Variants in SEC14L5 observed in about 807,000 individuals in gnomAD.
The protein encoded by SEC14L5 is SEC14 like lipid binding 5.
SEC14L5 carries 96 observed loss-of-function variants against 84.6 expected under a neutral mutation model. The ratio of observed to expected loss-of-function variants is 1.13; its 90% CI spans 0.96 to 1.34. SEC14L5 has a LOEUF of 1.34. Ranked by LOEUF, SEC14L5 falls within the 40% of genes most tolerant of loss-of-function variation. The pLI is 0.00. For missense variants in SEC14L5, 1,224 were observed against 942.5 expected, an observed-to-expected ratio of 1.30 and a Z score of -3.91; for synonymous variants, 546 against 383.4, an observed-to-expected ratio of 1.42 and a Z score of -4.95.
intron 15 of SEC14L5, among the ~76,000 whole-genome samples, chr16:5,014,504 A>G (rs1955847837): frequency 6.6e-6 from 1 of 152,270 alleles, no homozygotes; most frequent in Non-Finnish European, 1.5e-5. Flanking sequence ...CACGAAGGCC[A>G]CTGCAAGAGC....
rs374711543 is a variant in SEC14L5 at position 4,993,966 on chromosome 16, C to CTTTTTTTTTTT, written c.667+1943_667+1953dup. Among the ~76,000 whole-genome samples, 2 of 138,550 alleles carry CTTTTTTTTTTT rather than the reference C, an allele frequency of 1.4e-5. 1 individual carries two copies. The highest frequency in any genetic ancestry group is 3.1e-5 in the Non-Finnish European group (2 of 65,202). 90.9% of individuals were successfully genotyped at this position (138,550 alleles called of 152,430 possible). A position where few individuals can be genotyped will look rare whatever the true frequency, so the allele number is the denominator to read the frequency against. ...TTTTTCATGTTTAGTGACTGTTTTCCTTTTTTTTTTTTTTTTTAATAATAC... is the reference window on the plus strand; with the variant it reads ...TTTTTCATGTTTAGTGACTGTTTTCCTTTTTTTTTTTTTTTTTTTTTTTTTTTTAATAATAC... On this transcript the variant is annotated intron_variant, in intron 6 of 15. Coordinates refer to ENST00000251170, the MANE Select transcript of SEC14L5 (RefSeq NM_014692.2).
intron 2 of SEC14L5, among the ~76,000 whole-genome samples, chr16:4,962,054 C>G (rs1411222541): frequency 6.6e-6 from 1 of 151,582 alleles, no homozygotes; most frequent in South Asian, 2.1e-4. Context: ...ATACAGTCAT[C>G]CCCATTTCAC....
chr16:5,006,080 G>A, intron 12 of SEC14L5, 32 bp downstream of exon 12: 1 of 1,609,758 alleles, frequency 6.2e-7, no homozygotes, highest in East Asian at 2.2e-5. Flanking sequence ...ACAGACCTGG[G>A]CTTGAGGAGG....
chr16:5,007,606 CTTT>C (rs377374416), intron 13 of SEC14L5, 120 bp downstream of exon 13: 8,648 of 553,226 alleles, frequency 0.016, no homozygotes, highest in South Asian at 0.019. Flanking sequence ...TTCTTTCTTT[CTTT>C]TTTTTTTTTT....
At chr16:5,002,417 C>G (rs1160404768) in intron 10 of SEC14L5, among the ~76,000 whole-genome samples, 1 of 151,862 alleles carries the variant, frequency 6.6e-6, no homozygotes, top group African/African-American at 2.4e-5. Flanking sequence ...GTGCCTCAGC[C>G]TCCCAGGTAG....
chr16:5,006,177 G>A, intron 12 of SEC14L5, 129 bp downstream of exon 12: 1 of 912,478 alleles, frequency 1.1e-6, no homozygotes, highest in Non-Finnish European at 1.7e-6. Context: ...CTCTGCCTAG[G>A]GCAGGTCTTG....
In SEC14L5 at chr16:4,996,222, GC is replaced by G. The variant is rs544839793; in HGVS notation, c.668-125del. On this transcript the variant is annotated intron_variant, in intron 6 of 15. Transcript: ENST00000251170. The stretch of plus-strand genomic sequence containing the variant: ...CCGGTGGCTGCTGTCTGGGGCGGGG[GC>G]TTAGCCTGGTTTGGAACCACGTTTT... 32 of 620,548 alleles carry G rather than the reference GC, an allele frequency of 5.2e-5. 1 individual carries two copies. In the East Asian group the frequency reaches 8.3e-4, roughly 16 times the overall value. 38.4% of individuals were successfully genotyped at this position (620,548 alleles called of 1,614,324 possible).
At chr16:4,992,751 G>C (rs372503926) in intron 6 of SEC14L5, among the ~76,000 whole-genome samples, 4 of 152,202 alleles carry the variant, frequency 2.6e-5, no homozygotes, top group African/African-American at 9.6e-5. Flanking sequence ...TAAGAAGTAC[G>C]ATTCTTTTCC....
At chr16:4,962,581 G>A (rs1030709825) in intron 2 of SEC14L5, among the ~76,000 whole-genome samples, 2 of 151,790 alleles carry the variant, frequency 1.3e-5, no homozygotes, top group East Asian at 1.9e-4. Flanking sequence ...CCAGCTATTC[G>A]GGAGGCTGAG....
intron 2 of SEC14L5, among the ~76,000 whole-genome samples, chr16:4,979,507 G>C (rs905469015): frequency 2.0e-5 from 3 of 152,330 alleles, no homozygotes; most frequent in African/African-American, 7.2e-5. Context: ...TTACTGCAAT[G>C]ATGGTTAGGC....
chr16:4,970,747 C>A (rs534698401), intron 2 of SEC14L5, among the ~76,000 whole-genome samples: 1 of 152,160 alleles, frequency 6.6e-6, no homozygotes, highest in Non-Finnish European at 1.5e-5. Flanking sequence ...GAGGGTGAGT[C>A]CTCATGTGGA....
Position 5,016,076 on chromosome 16 carries a change from G to C in SEC14L5, c.*1106G>C, listed in dbSNP as rs991189643. The C allele has an allele frequency of 6.6e-6, 1 of 152,158 alleles. No homozygotes were observed. Among genetic ancestry groups the C allele is most frequent in the Non-Finnish European group, 1.5e-5 (1 of 68,042 alleles). 9.4% of individuals were successfully genotyped at this position (152,158 alleles called of 1,614,324 possible). ...GATCATTCATGGGTGCATAGAACTG[G>C]CCAGTCCAGGAGGGCTTGCTTCAGG... On this transcript the variant is annotated 3_prime_UTR_variant, in exon 16 of 16. Transcript: ENST00000251170.
rs1326679378 is a variant in SEC14L5, at chr16:5,007,442, G to A, written c.1528G>A (p.Glu510Lys). 1.7e-5 allele frequency: 28 copies of A among 1,613,780 alleles called. No individual in the cohort carries two copies. The highest frequency in any genetic ancestry group is 2.3e-5 in the Non-Finnish European group (27 of 1,179,880). Reference sequence around the variant, plus strand: ...CACGGACCAGCTGTGGCAGTGGAGTGAGACCTACCATTCAGCCAGCGTGCT... The same window carrying A: ...CACGGACCAGCTGTGGCAGTGGAGTAAGACCTACCATTCAGCCAGCGTGCT... ...EHTDQLWQWS[E>K]TYHSASVLRG... is the part of the protein sequence containing the mutation. Residue 510 changes from glutamate to lysine, a missense_variant, in exon 13 of 16, where the codon GAG (glutamate) becomes AAG (lysine). By Grantham distance (56) the Glu-to-Lys change is moderately conservative. Transcript: ENST00000251170.
Position 5,014,911 on chromosome 16 carries a change from G to GCCGCCACCTCGTCCTCCT in SEC14L5, c.2035_2052dup (p.Ala679_Ser684dup). ...CACCAGCGGCTTCTCCCAGCTCAGCGCCGCCACCTCGTCCTCCTCCTCCGG... is the reference window on the plus strand; with the variant it reads ...CACCAGCGGCTTCTCCCAGCTCAGCGCCGCCACCTCGTCCTCCTCCGCCACCTCGTCCTCCTCCTCCGG... On this transcript the variant is annotated inframe_insertion, in exon 16 of 16. Coordinates refer to ENST00000251170, the MANE Select transcript of SEC14L5 (RefSeq NM_014692.2). 1 of 1,613,412 alleles carries GCCGCCACCTCGTCCTCCT rather than the reference G, an allele frequency of 6.2e-7. No homozygotes were observed. Among genetic ancestry groups the GCCGCCACCTCGTCCTCCT allele is most frequent in the Non-Finnish European group, 8.5e-7 (1 of 1,179,874 alleles).
At chr16:5,001,098 C>T (rs1248455912) in intron 10 of SEC14L5, among the ~76,000 whole-genome samples, 173 bp downstream of exon 10, 2 of 152,108 alleles carry the variant, frequency 1.3e-5, no homozygotes, top group African/African-American at 4.8e-5. Flanking sequence ...TCCCCGTTTT[C>T]TATGCATGGG....
chr16:4,959,514 C>T (rs1030643992), intron 2 of SEC14L5, 128 bp downstream of exon 2: 18 of 805,570 alleles, frequency 2.2e-5, no homozygotes, highest in Non-Finnish European at 3.4e-5. Context: ...CTCAGCTGAC[C>T]TGGTGGGTTT....
rs1354782398 is a variant in SEC14L5 at position 5,018,505 on chromosome 16, A to C, written c.*3535A>C. 6.6e-6 allele frequency: 1 copy of C among 152,204 alleles called. No homozygotes were observed. Among genetic ancestry groups the C allele is most frequent in the African/African-American group, 2.4e-5 (1 of 41,446 alleles). The allele number at this position is 152,204 out of a possible 1,614,324, so 9.4% of individuals were successfully genotyped here. On this transcript the variant is annotated 3_prime_UTR_variant, in exon 16 of 16. Coordinates refer to ENST00000251170, the MANE Select transcript of SEC14L5 (RefSeq NM_014692.2). ...AACATAGTGAGACCCTGTCTCTACA[A>C]AAAATTAAAAAATGAGCCAGGCGTG...
chr16:5,000,957 T>G (rs753379269), intron 10 of SEC14L5, 32 bp downstream of exon 10: 1 of 1,554,544 alleles, frequency 6.4e-7, no homozygotes, highest in African/African-American at 1.4e-5. Flanking sequence ...AAATCCCCCC[T>G]AAACAGCAAA....
In SEC14L5 at chr16:4,996,934, A is replaced by C. The variant is rs1348018652; in HGVS notation, c.860A>C (p.Gln287Pro). The change falls in exon 8 of 16, where the codon CAG (glutamine) becomes CCG (proline). Residue 287 changes from glutamine to proline, a missense_variant. Transcript: ENST00000251170. ...HLDKAREMLR[Q>P]SLSWRKQHQV... Reference sequence around the variant, plus strand: ...GACAAGGCCCGGGAAATGCTGCGCCAGTCCTTGAGCTGGCGCAAGCAGCAC... The same window carrying C: ...GACAAGGCCCGGGAAATGCTGCGCCCGTCCTTGAGCTGGCGCAAGCAGCAC... 6.2e-7 allele frequency: 1 copy of C among 1,613,700 alleles called. No homozygotes were observed. Among genetic ancestry groups the C allele is most frequent in the East Asian group, 2.2e-5 (1 of 44,870 alleles).
Sources: allele counts gnomAD v4.1 joint callset (sites outside exome capture counted in the v4.1 genomes callset), GRCh38; gene constraint gnomAD v4.1.1; transcripts MANE v1.5; gene names NCBI Gene and HGNC (gene_info 2026-07-23, HGNC 2026-07-21).